The following NBAS variants were observed in gnomAD, a reference collection of about 807,000 sequenced individuals.
NBAS encodes NAG/BC035112 fusion.
In NBAS, 219 loss-of-function variants were observed where a neutral mutation model predicts 302.5. The ratio of observed to expected loss-of-function variants is 0.72; its 90% confidence interval spans 0.65 to 0.81. NBAS has a LOEUF of 0.81. Ranked by LOEUF, NBAS falls within the 30% of genes least tolerant of loss-of-function variation. The pLI is 0.00. For synonymous variants in NBAS, 1,118 were observed against 1,021.6 expected (o/e 1.09, Z -1.80); for missense variants, 2,932 against 2,841.6 (o/e 1.03, Z -0.72).
the NBAS span, among the ~76,000 whole-genome samples, chr2:15,099,075 G>C: frequency 6.6e-6 from 1 of 151,942 alleles, no homozygotes; most frequent in African/African-American, 2.4e-5. Flanking sequence ...GGGAGGCTGC[G>C]GCAGGCCTCC....
the NBAS span, among the ~76,000 whole-genome samples, chr2:14,892,912 A>G: frequency 6.6e-6 from 1 of 152,256 alleles, no homozygotes; most frequent in East Asian, 1.9e-4. Context: ...CCTTCCTTAC[A>G]GGATTAGACC....
the NBAS span, among the ~76,000 whole-genome samples, chr2:15,010,559 C>T: frequency 1.3e-5 from 2 of 152,188 alleles, no homozygotes; most frequent in Non-Finnish European, 2.9e-5. Flanking sequence ...TAGTTAGTCA[C>T]ATTGGTCCTC....
the NBAS span, among the ~76,000 whole-genome samples, chr2:14,806,842 A>T: frequency 6.6e-6 from 1 of 152,220 alleles, no homozygotes. Flanking sequence ...GCCAATCCTG[A>T]TTATTCCATT....
chr2:15,492,641 G>A, intron 11 of NBAS, among the ~76,000 whole-genome samples: 1 of 152,058 alleles, frequency 6.6e-6, no homozygotes, highest in East Asian at 1.9e-4. Flanking sequence ...ATTTTTTGTA[G>A]AGGGTCACGG....
At chr2:15,149,069 T>TC in the NBAS span, among the ~76,000 whole-genome samples, 1 of 152,186 alleles carries the variant, frequency 6.6e-6, no homozygotes, top group East Asian at 1.9e-4. Flanking sequence ...TTGGAATGTG[T>TC]CCCCCAAAGT....
At chr2:14,995,316 T>C in the NBAS span, among the ~76,000 whole-genome samples, 1 of 152,126 alleles carries the variant, frequency 6.6e-6, no homozygotes, top group Non-Finnish European at 1.5e-5. Flanking sequence ...TGGTGTTTGG[T>C]TTTTTGTCCT....
At chr2:15,543,036 T>G (rs1363783014) in intron 6 of NBAS, among the ~76,000 whole-genome samples, 1 of 152,250 alleles carries the variant, frequency 6.6e-6, no homozygotes, top group Non-Finnish European at 1.5e-5. Flanking sequence ...TCGTGTGGCT[T>G]GGGAAAGGAA....
At chr2:15,028,151 A>C in the NBAS span, among the ~76,000 whole-genome samples, 15 of 152,234 alleles carry the variant, frequency 9.9e-5, no homozygotes, top group African/African-American at 3.4e-4. Flanking sequence ...TCATTGAGAA[A>C]GTCATCAGGA....
At chr2:15,111,603 C>G in the NBAS span, among the ~76,000 whole-genome samples, 1 of 152,150 alleles carries the variant, frequency 6.6e-6, no homozygotes, top group East Asian at 1.9e-4. Context: ...ATAAAGCAGT[C>G]TGCACCCTGT....
the NBAS span, among the ~76,000 whole-genome samples, chr2:14,790,841 G>A: frequency 6.6e-6 from 1 of 151,526 alleles, no homozygotes; most frequent in South Asian, 2.1e-4. Flanking sequence ...GTATGTATGT[G>A]TGTTTTGTTT....
the NBAS span, among the ~76,000 whole-genome samples, chr2:15,160,017 A>C: frequency 6.6e-6 from 1 of 152,222 alleles, no homozygotes; most frequent in African/African-American, 2.4e-5. Flanking sequence ...GCTATATTGC[A>C]TGTTATGTAC....
chr2:15,402,045 TCTTC>T, intron 26 of NBAS, 119 bp downstream of exon 26: 3 of 1,033,786 alleles, frequency 2.9e-6, no homozygotes, highest in Middle Eastern at 2.8e-4. Context: ...AATTTTATTT[TCTTC>T]CTTATGTTTT....
At chr2:15,230,022 A>G (rs1667314964) in intron 47 of NBAS, among the ~76,000 whole-genome samples, 1 of 152,144 alleles carries the variant, frequency 6.6e-6, no homozygotes, top group Non-Finnish European at 1.5e-5. Context: ...TTGTCAAAAC[A>G]GACACTATGG....
intron 51 of NBAS, 22 bp from the exon 52 acceptor site, chr2:15,167,345 C>T (rs770741467): frequency 3.1e-6 from 5 of 1,613,810 alleles, no homozygotes; most frequent in Non-Finnish European, 4.2e-6. Flanking sequence ...AAGACAGGCA[C>T]AGCGTGAGGG....
intron 38 of NBAS, among the ~76,000 whole-genome samples, chr2:15,323,982 A>G (rs749483377): frequency 3.9e-5 from 6 of 152,086 alleles, no homozygotes; most frequent in Non-Finnish European, 8.8e-5. Flanking sequence ...AAGAGATTCT[A>G]AAGTATAACC....
chr2:14,788,773 G>T, the NBAS span, among the ~76,000 whole-genome samples: 5 of 152,202 alleles, frequency 3.3e-5, no homozygotes, highest in Non-Finnish European at 7.3e-5. Context: ...CTGCTCGGGG[G>T]TCAGGGGTTA....
At chr2:14,936,704 G>A in the NBAS span, among the ~76,000 whole-genome samples, 635 of 152,296 alleles carry the variant, frequency 4.2e-3, 7 homozygotes, top group African/African-American at 0.015. Flanking sequence ...GGTGGTAGTT[G>A]ATGGGAGGTA....
chr2:14,867,380 G>A, the NBAS span, among the ~76,000 whole-genome samples: 1 of 152,144 alleles, frequency 6.6e-6, no homozygotes, highest in Non-Finnish European at 1.5e-5. Flanking sequence ...AGGAAGCACA[G>A]AGTCAGCCTT....
At chr2:15,217,095 G>A (rs550715390) in intron 48 of NBAS, among the ~76,000 whole-genome samples, 3 of 152,278 alleles carry the variant, frequency 2.0e-5, no homozygotes, top group East Asian at 3.9e-4. Flanking sequence ...GCCCTGTACC[G>A]GCAATAGAGC....
Sources: allele counts gnomAD v4.1 joint callset (sites outside exome capture counted in the v4.1 genomes callset), GRCh38; gene constraint gnomAD v4.1.1; transcripts MANE v1.5; gene names NCBI Gene and HGNC (gene_info 2026-07-23, HGNC 2026-07-21).